DIAPH2: variants seen among roughly 807,000 people sequenced by gnomAD.
The protein encoded by DIAPH2 is diaphanous related formin 2.
Under a neutral mutation model 92.7 loss-of-function variants are expected in DIAPH2, and 35 were observed. The ratio of observed to expected loss-of-function variants is 0.38; its 90% CI spans 0.29 to 0.50. DIAPH2 has a LOEUF of 0.50. Ranked by LOEUF, DIAPH2 falls within the 20% of genes least tolerant of loss-of-function variation. The probability of loss-of-function intolerance (pLI) is 0.94; values close to 1 mark genes in which losing one functional copy is unlikely to be tolerated. For missense variants in DIAPH2, 701 were observed against 819.5 expected (o/e 0.86, Z 1.77); for synonymous variants, 301 against 280.4 (o/e 1.07, Z -0.73).
intron 25 of DIAPH2, among the ~76,000 whole-genome samples, chrX:97,412,447 A>T (rs2069886675): frequency 8.9e-6 from 1 of 112,237 alleles, no homozygotes; most frequent in South Asian, 3.7e-4. Context: ...CACAAGAGAA[A>T]GCAGGAAACA....
At chrX:96,974,834 G>A (rs1249326899) in intron 17 of DIAPH2, among the ~76,000 whole-genome samples, 3 of 111,208 alleles carry the variant, frequency 2.7e-5, no homozygotes, top group African/African-American at 6.5e-5. Context: ...AATGATGGTT[G>A]ATATTAACTA....
At chrX:97,194,425 G>T (rs1215391953) in intron 22 of DIAPH2, among the ~76,000 whole-genome samples, 3 of 109,421 alleles carry the variant, frequency 2.7e-5, no homozygotes, top group Non-Finnish European at 5.7e-5. Flanking sequence ...GGGACTACAG[G>T]CACCCGCCAC....
chrX:97,229,993 C>T (rs896614828), intron 22 of DIAPH2, among the ~76,000 whole-genome samples: 2 of 108,173 alleles, frequency 1.8e-5, no homozygotes, highest in Non-Finnish European at 3.8e-5. Flanking sequence ...GAAAAAAACG[C>T]GTTTATAGAG....
intron 24 of DIAPH2, among the ~76,000 whole-genome samples, chrX:97,368,899 C>CTTTTTTTT (rs386417287): frequency 0.042 from 2,178 of 51,466 alleles, 85 homozygotes; most frequent in East Asian, 0.069. Context: ...TCTACCCTTT[C>CTTTTTTTT]TTTTTTTTTT....
chrX:96,775,353 T>TGTG (rs2064369168), intron 4 of DIAPH2, among the ~76,000 whole-genome samples: 2 of 89,364 alleles, frequency 2.2e-5, no homozygotes, highest in African/African-American at 4.0e-5. Flanking sequence ...CAACGTGTGC[T>TGTG]TGTGTGTGTG....
At chrX:97,194,603 T>C (rs993013549) in intron 22 of DIAPH2, among the ~76,000 whole-genome samples, 5 of 111,620 alleles carry the variant, frequency 4.5e-5, no homozygotes, top group Non-Finnish European at 7.5e-5. Context: ...ATTTTCAAAT[T>C]GTTGAATTTG....
intron 4 of DIAPH2, among the ~76,000 whole-genome samples, chrX:96,872,493 C>CTTTT (rs752843624): frequency 1.0e-5 from 1 of 95,454 alleles, no homozygotes; most frequent in Non-Finnish European, 2.1e-5. Flanking sequence ...TTTTCTTTTT[C>CTTTT]TTTTTTTTTT....
chrX:97,087,635 A>G (rs943494710), intron 19 of DIAPH2, among the ~76,000 whole-genome samples: 1 of 111,744 alleles, frequency 8.9e-6, no homozygotes, highest in Admixed American at 9.5e-5. Context: ...AAAATTGGTT[A>G]TTATACAAAT....
chrX:97,551,332 G>A (rs775340892), intron 26 of DIAPH2, among the ~76,000 whole-genome samples: 2 of 111,518 alleles, frequency 1.8e-5, no homozygotes, highest in Admixed American at 1.9e-4. Flanking sequence ...GCTCATGCCT[G>A]TAATCCCAGC....
At chrX:97,256,281 C>T (rs1480891849) in intron 23 of DIAPH2, among the ~76,000 whole-genome samples, 2 of 112,121 alleles carry the variant, frequency 1.8e-5, no homozygotes, top group Non-Finnish European at 3.8e-5. Flanking sequence ...CATGTCTATT[C>T]GTAGATGTAA....
At chrX:97,597,572 T>C (rs369170604) in intron 26 of DIAPH2, among the ~76,000 whole-genome samples, 35 of 111,740 alleles carry the variant, frequency 3.1e-4, no homozygotes, top group African/African-American at 1.1e-3. Flanking sequence ...GTCAGCATGA[T>C]CCTCTGGGAA....
At chrX:96,845,591 T>C (rs1333392850) in intron 4 of DIAPH2, among the ~76,000 whole-genome samples, 2 of 112,244 alleles carry the variant, frequency 1.8e-5, no homozygotes, top group Non-Finnish European at 3.8e-5. Flanking sequence ...AATTACTCTA[T>C]GTAGGGAAGC....
At chrX:96,837,584 A>G (rs1357410140) in intron 4 of DIAPH2, among the ~76,000 whole-genome samples, 2 of 110,751 alleles carry the variant, frequency 1.8e-5, no homozygotes, top group African/African-American at 6.6e-5. Flanking sequence ...TGGGGCAGGA[A>G]CTATGTTTTC....
chrX:97,452,382 G>T (rs2070366240), intron 26 of DIAPH2, among the ~76,000 whole-genome samples: 1 of 111,666 alleles, frequency 9.0e-6, no homozygotes, highest in African/African-American at 3.2e-5. Flanking sequence ...TTGCTTTCAT[G>T]AAACTTATGA....
At chrX:97,000,300 T>C (rs1381642943) in intron 17 of DIAPH2, among the ~76,000 whole-genome samples, 1 of 111,906 alleles carries the variant, frequency 8.9e-6, no homozygotes, top group Non-Finnish European at 1.9e-5. Flanking sequence ...TATTTCCCAA[T>C]TGTCCACTTT....
intron 26 of DIAPH2, among the ~76,000 whole-genome samples, chrX:97,523,094 C>A (rs1398146655): frequency 8.9e-6 from 1 of 112,272 alleles, no homozygotes; most frequent in Non-Finnish European, 1.9e-5. Flanking sequence ...TGAACAATGA[C>A]AATTCATTTC....
intron 17 of DIAPH2, among the ~76,000 whole-genome samples, chrX:96,970,241 G>A (rs2065919569): frequency 9.0e-6 from 1 of 111,369 alleles, no homozygotes; most frequent in Non-Finnish European, 1.9e-5. Flanking sequence ...TAGACTTATG[G>A]AGGAGTCCCT....
intron 23 of DIAPH2, among the ~76,000 whole-genome samples, chrX:97,291,538 ACTT>A (rs2068590671): frequency 9.1e-6 from 1 of 109,902 alleles, no homozygotes; most frequent in Non-Finnish European, 1.9e-5. Context: ...CAAAGTAAAC[ACTT>A]TTTTTTTTTT....
At chrX:97,381,993 T>A (rs1012996480) in intron 24 of DIAPH2, among the ~76,000 whole-genome samples, 2 of 111,172 alleles carry the variant, frequency 1.8e-5, no homozygotes, top group African/African-American at 6.5e-5. Flanking sequence ...ATTGATAATA[T>A]AATAGTCCAC....
Sources: gnomAD v4.1 joint callset for allele counts (sites outside exome capture counted in the v4.1 genomes callset) on GRCh38, gnomAD v4.1.1 for gene constraint, MANE v1.5 for transcripts, NCBI Gene and HGNC (gene_info 2026-07-23, HGNC 2026-07-21) for gene names.